Variants in KCNT2 observed in about 807,000 individuals in gnomAD.
The protein encoded by KCNT2 is potassium sodium-activated channel subfamily T member 2.
A neutral mutation model predicts 153.8 loss-of-function variants in KCNT2; 67 were observed. That is an observed-to-expected ratio of 0.44 (90% CI 0.36 to 0.53). The LOEUF is 0.53. KCNT2 is among the 20% of genes least tolerant of loss of function. The pLI, the probability that KCNT2 is intolerant of heterozygous loss-of-function variation, is 0.00. For missense variants in KCNT2, 975 were observed against 1,354.8 expected (o/e 0.72, Z 4.40); for synonymous variants, 500 against 458.8 (o/e 1.09, Z -1.15).
intron 1 of KCNT2, among the ~76,000 whole-genome samples, 171 bp from the exon 2 acceptor site, chr1:196,492,512 T>C (rs1400441496): frequency 2.0e-5 from 3 of 152,104 alleles, no homozygotes; most frequent in Non-Finnish European, 4.4e-5. Context: ...TTCCCTGCCA[T>C]GGAAAATGAG....
chr1:196,417,931 C>T (rs1672882439), intron 12 of KCNT2, among the ~76,000 whole-genome samples: 1 of 152,098 alleles, frequency 6.6e-6, no homozygotes, highest in Admixed American at 6.6e-5. Context: ...ATGGGACGAC[C>T]ATTGTATATT....
At chr1:196,508,632 T>C (rs1681353409) in intron 1 of KCNT2, among the ~76,000 whole-genome samples, 1 of 152,140 alleles carries the variant, frequency 6.6e-6, no homozygotes, top group Non-Finnish European at 1.5e-5. Flanking sequence ...AACCAAAAGG[T>C]GCCAACTAGC....
At chr1:196,257,226 T>C (rs553781027) in intron 26 of KCNT2, 1 of 984,756 alleles carries the variant, frequency 1.0e-6, no homozygotes, top group South Asian at 4.7e-5. Flanking sequence ...GTAGCACACA[T>C]AGCATGCTAT....
chr1:196,345,098 C>T (rs184847855), intron 14 of KCNT2, among the ~76,000 whole-genome samples: 1 of 152,142 alleles, frequency 6.6e-6, no homozygotes, highest in East Asian at 1.9e-4. Flanking sequence ...TCAGGAAAGG[C>T]TTTAGATTCA....
chr1:196,351,670 T>C (rs1180980150), intron 14 of KCNT2, among the ~76,000 whole-genome samples: 2 of 152,094 alleles, frequency 1.3e-5, no homozygotes, highest in East Asian at 3.9e-4. Flanking sequence ...TTTGACTTCC[T>C]CTTTTCCTAA....
At chr1:196,563,839 A>C in intron 1 of KCNT2, among the ~76,000 whole-genome samples, 1 of 152,006 alleles carries the variant, frequency 6.6e-6, no homozygotes, top group East Asian at 1.9e-4. Flanking sequence ...GTATCAAGAA[A>C]GTACATGTAG....
chr1:196,289,326 G>A (rs573468548), intron 22 of KCNT2, among the ~76,000 whole-genome samples: 5 of 151,894 alleles, frequency 3.3e-5, no homozygotes, highest in African/African-American at 9.6e-5. Context: ...TAGCTTTTTT[G>A]AAACCTATTA....
rs1450139616 is a variant in KCNT2 at position 196,282,182 on chromosome 1, CAT to C, written c.2781+89_2781+90del. ...TGGATTCACAATACAAAAAATAACACATGACATAGAAGAATTAGCAAAGTACA... is the reference window on the plus strand; with the variant it reads ...TGGATTCACAATACAAAAAATAACACGACATAGAAGAATTAGCAAAGTACA... On this transcript the variant is annotated intron_variant, in intron 24 of 27. Transcript: ENST00000294725. 42 of 566,962 alleles carry C rather than the reference CAT, an allele frequency of 7.4e-5. 1 individual carries two copies. The East Asian group carries it at 1.1e-3, about 15-fold the overall frequency. The allele number at this position is 566,962 out of a possible 1,614,324, so 35.1% of individuals were successfully genotyped here.
At chr1:196,410,347 C>T (rs1310720377) in intron 12 of KCNT2, among the ~76,000 whole-genome samples, 1 of 149,910 alleles carries the variant, frequency 6.7e-6, no homozygotes, top group Non-Finnish European at 1.5e-5. Context: ...TGATATAATA[C>T]CACTTGTTTG....
At chr1:196,525,816 T>C (rs1161182060) in intron 1 of KCNT2, among the ~76,000 whole-genome samples, 1 of 151,998 alleles carries the variant, frequency 6.6e-6, no homozygotes, top group Non-Finnish European at 1.5e-5. Flanking sequence ...AATGAAATAC[T>C]GTACATATTT....
chr1:196,280,450 C>T (rs543743869), intron 25 of KCNT2, among the ~76,000 whole-genome samples: 25 of 152,282 alleles, frequency 1.6e-4, no homozygotes, highest in African/African-American at 5.5e-4. Context: ...ATTATCTTTG[C>T]TTTGCTTCCT....
At chr1:196,528,294 G>A (rs969957568) in intron 1 of KCNT2, among the ~76,000 whole-genome samples, 1 of 152,070 alleles carries the variant, frequency 6.6e-6, no homozygotes, top group Admixed American at 6.5e-5. Flanking sequence ...TACAAATCTG[G>A]GTAGCCCCAA....
At position 196,299,279 on chromosome 1, in the gene KCNT2, T is replaced by C. The variant is rs1013029676; in HGVS notation, c.2595+5955A>G. ...TTACACCTACTTTGTTGGGAGAAGG[T>C]GTCAATGACATTCAAACATGAAAAG... On this transcript the variant is annotated intron_variant, in intron 22 of 27. Transcript: ENST00000294725. Among the ~76,000 whole-genome samples, 32 of 152,042 alleles carry C rather than the reference T, an allele frequency of 2.1e-4. 2 individuals carry two copies. The highest frequency in any genetic ancestry group is 2.0e-3 in the Admixed American group (30 of 15,272).
At chr1:196,427,509 T>C (rs1450679939) in intron 10 of KCNT2, among the ~76,000 whole-genome samples, 1 of 152,014 alleles carries the variant, frequency 6.6e-6, no homozygotes, top group South Asian at 2.1e-4. Context: ...TAGCAGAAAG[T>C]GGAAATATTC....
intron 1 of KCNT2, among the ~76,000 whole-genome samples, chr1:196,559,231 A>G (rs1469170653): frequency 6.6e-6 from 1 of 151,626 alleles, no homozygotes; most frequent in East Asian, 1.9e-4. Context: ...ATTAATTTAT[A>G]TTTTTATTTT....
intron 12 of KCNT2, among the ~76,000 whole-genome samples, chr1:196,412,428 A>G (rs1473667362): frequency 6.6e-6 from 1 of 151,752 alleles, no homozygotes; most frequent in Non-Finnish European, 1.5e-5. Context: ...AGAAAGAATC[A>G]TTTTTAAAAA....
intron 1 of KCNT2, among the ~76,000 whole-genome samples, chr1:196,526,070 G>A (rs920845071): frequency 2.2e-4 from 33 of 150,000 alleles, no homozygotes; most frequent in Non-Finnish European, 4.6e-4. Flanking sequence ...TCAGCACACT[G>A]AGGGGTACGC....
chr1:196,384,647 G>A (rs768578068), intron 13 of KCNT2, among the ~76,000 whole-genome samples: 1 of 145,106 alleles, frequency 6.9e-6, no homozygotes, highest in Non-Finnish European at 1.5e-5. Context: ...AGGTTGCAGT[G>A]AGCTGAGATC....
chr1:196,379,088 G>C (rs1669230354), intron 13 of KCNT2, among the ~76,000 whole-genome samples: 1 of 151,850 alleles, frequency 6.6e-6, no homozygotes, highest in African/African-American at 2.4e-5. Flanking sequence ...ATAAACTCTG[G>C]ATTACTTTTT....
Sources: allele counts gnomAD v4.1 joint callset (sites outside exome capture counted in the v4.1 genomes callset), GRCh38; gene constraint gnomAD v4.1.1; transcripts MANE v1.5; gene names NCBI Gene and HGNC (gene_info 2026-07-23, HGNC 2026-07-21).